Variants in GNAL observed in about 807,000 individuals in gnomAD.
GNAL encodes the protein G protein subunit alpha L, also known as guanine nucleotide-binding protein G(olf) subunit alpha.
A neutral mutation model predicts 55.1 loss-of-function variants in GNAL; 18 were observed. That is an observed-to-expected ratio of 0.33 (90% confidence interval 0.23 to 0.48). The LOEUF (loss-of-function observed/expected upper bound fraction) is 0.48. Ranked by LOEUF, GNAL falls within the 20% of genes least tolerant of loss-of-function variation. The probability of loss-of-function intolerance (pLI) is 0.99; values close to 1 mark genes in which losing one functional copy is unlikely to be tolerated. For missense variants in GNAL, 412 were observed against 614.1 expected (o/e 0.67, Z 3.48); for synonymous variants, 253 against 237.0 (o/e 1.07, Z -0.62).
At chr18:11,877,599 A>G (rs777371944) in intron 11 of GNAL, among the ~76,000 whole-genome samples, 7 of 148,920 alleles carry the variant, frequency 4.7e-5, no homozygotes, top group Non-Finnish European at 3.0e-5. Context: ...ACTCGCTTCA[A>G]ACTATTACAT....
chr18:11,793,524 G>A (rs1010319459), intron 4 of GNAL, among the ~76,000 whole-genome samples: 12 of 152,092 alleles, frequency 7.9e-5, no homozygotes, highest in African/African-American at 2.7e-4. Flanking sequence ...CAAGGCTGCA[G>A]TGAGCTATGA....
intron 5 of GNAL, among the ~76,000 whole-genome samples, chr18:11,856,017 A>G (rs1049870556): frequency 6.6e-6 from 1 of 151,254 alleles, no homozygotes; most frequent in African/African-American, 2.5e-5. Flanking sequence ...TGATAAGAGA[A>G]CCTTATTAAC....
In GNAL at chr18:11,862,434, C is replaced by T. The variant is rs766188483; in HGVS notation, c.762C>T (p.Tyr254=). 9 of 1,612,678 alleles carry T rather than the reference C, an allele frequency of 5.6e-6. No individual in the cohort carries two copies. The South Asian group carries it at 7.7e-5, about 14-fold the overall frequency. ...ERIDSVSLVD[Y]TPTDQDLLRC... ...TCGACAGCGTCAGCTTGGTTGACTACACACCCACAGACCAGGTATGTGGAA... is the reference window on the plus strand; with the variant it reads ...TCGACAGCGTCAGCTTGGTTGACTATACACCCACAGACCAGGTATGTGGAA... The change falls in exon 6 of 12, where the codon TAC becomes TAT. Residue 254 remains tyrosine, a synonymous_variant. Transcript: ENST00000334049.
intron 11 of GNAL, among the ~76,000 whole-genome samples, chr18:11,880,240 C>G (rs1310741808): frequency 3.1e-4 from 43 of 139,902 alleles, no homozygotes; most frequent in Non-Finnish European, 3.6e-4. Flanking sequence ...CTGGGGGACA[C>G]AGCGAGACTC....
At position 11,753,637 on chromosome 18, in the gene GNAL, A is replaced by T; in HGVS notation, c.459A>T (p.Lys153Asn). 1 of 1,590,030 alleles carries T rather than the reference A, an allele frequency of 6.3e-7. No homozygotes were observed. The highest frequency in any genetic ancestry group is 8.6e-7 in the Non-Finnish European group (1 of 1,158,190). Residue 153 changes from lysine to asparagine, a missense_variant, in exon 3 of 12, where the codon AAA (lysine) becomes AAT (asparagine). Around this residue, in one of 5 missense-constraint regions of GNAL, gnomAD observed 47 missense variants for 82.7 expected, o/e 0.57. Transcript: ENST00000334049. ...HVNGFNPEEKKQKILDIRKNV... is the reference protein window; with the variant it reads ...HVNGFNPEEKNQKILDIRKNV... ...CTCTCTTTCAATACAGGGAAAAGAA[A>T]CAGAAAATTCTGGACATCCGGAAAA...
chr18:11,793,742 G>A lies in GNAL; in HGVS notation c.625-31176G>A, dbSNP rs187392935. 2.8e-4 allele frequency among the ~76,000 whole-genome samples: 43 copies of A among 151,950 alleles called. No homozygotes were observed. In the South Asian group the frequency reaches 7.1e-3, roughly 25 times the overall value. ...AGATCGAGACCATCCTGGCCAACAT[G>A]GCGAAACTGTGCCTCTACTAAAAAT... On this transcript the variant is annotated intron_variant, in intron 4 of 11. Transcript: ENST00000334049.
chr18:11,731,837 G>A (rs574101715), intron 1 of GNAL, among the ~76,000 whole-genome samples: 4 of 152,288 alleles, frequency 2.6e-5, no homozygotes, highest in East Asian at 3.9e-4. Context: ...CCCACTAGCA[G>A]TCACTCCCCG....
intron 4 of GNAL, among the ~76,000 whole-genome samples, chr18:11,812,808 A>C (rs1462890000): frequency 2.6e-5 from 4 of 152,012 alleles, no homozygotes. Context: ...GCACCACTGC[A>C]CTCCAGCCTG....
chr18:11,877,037 C>G (rs2036547688), intron 11 of GNAL, among the ~76,000 whole-genome samples: 1 of 152,226 alleles, frequency 6.6e-6, no homozygotes, highest in African/African-American at 2.4e-5. Context: ...TCCAAAAGCA[C>G]TAACAGGCTG....
intron 4 of GNAL, among the ~76,000 whole-genome samples, chr18:11,755,776 G>C (rs927756538): frequency 3.9e-5 from 6 of 152,120 alleles, no homozygotes; most frequent in Non-Finnish European, 8.8e-5. Context: ...AGGGGTTGAC[G>C]TGGCAGGGGA....
chr18:11,794,374 G>A (rs543484460), intron 4 of GNAL, among the ~76,000 whole-genome samples: 1 of 152,178 alleles, frequency 6.6e-6, no homozygotes, highest in Non-Finnish European at 1.5e-5. Flanking sequence ...TCTTCTATCC[G>A]TGCAAGGGAA....
chr18:11,814,960 G>A (rs565873441), intron 4 of GNAL, among the ~76,000 whole-genome samples: 76 of 152,218 alleles, frequency 5.0e-4, no homozygotes, highest in African/African-American at 1.7e-3. Flanking sequence ...ACCAGAGGTT[G>A]GAGAGGGGAA....
intron 5 of GNAL, among the ~76,000 whole-genome samples, chr18:11,839,422 G>A (rs2035565096): frequency 6.6e-6 from 1 of 151,436 alleles, no homozygotes; most frequent in South Asian, 2.1e-4. Flanking sequence ...CCATGGTGGT[G>A]TGCACCTGTG....
chr18:11,745,699 A>G (rs373372590), intron 1 of GNAL: 15 of 163,258 alleles, frequency 9.2e-5, no homozygotes, highest in Admixed American at 3.7e-4. Context: ...GAGAATGCCA[A>G]TGGACACACC....
chr18:11,716,206 G>A lies in GNAL; in HGVS notation c.376+26267G>A, dbSNP rs11872296. 4.8e-3 allele frequency among the ~76,000 whole-genome samples: 738 copies of A among 152,298 alleles called. 3 individuals carry two copies. Among genetic ancestry groups the A allele is most frequent in the African/African-American group, 0.017 (687 of 41,550 alleles). On this transcript the variant is annotated intron_variant, in intron 1 of 11. Transcript: ENST00000334049. Reference sequence around the variant, plus strand: ...CTGTGTCCGGAATTGGTGGGTTCTTGGTCTCACTGACTTCAAGAATGAAGC... The same window carrying A: ...CTGTGTCCGGAATTGGTGGGTTCTTAGTCTCACTGACTTCAAGAATGAAGC...
At chr18:11,726,948 T>A (rs2032225343) in intron 1 of GNAL, among the ~76,000 whole-genome samples, 1 of 151,934 alleles carries the variant, frequency 6.6e-6, no homozygotes, top group Non-Finnish European at 1.5e-5. Flanking sequence ...TTTTTTTTTC[T>A]TAAGGTTAGA....
chr18:11,818,650 A>T (rs183035117), intron 4 of GNAL, among the ~76,000 whole-genome samples: 170 of 152,328 alleles, frequency 1.1e-3, no homozygotes, highest in African/African-American at 3.9e-3. Flanking sequence ...AGTTTTGTGG[A>T]ACCGCAGTGA....
chr18:11,751,803 G>A lies in GNAL; in HGVS notation c.377-1050G>A. The A allele has an allele frequency of 3.1e-6, 1 of 326,420 alleles. No individual in the cohort carries two copies. The highest frequency in any genetic ancestry group is 4.4e-6 in the Non-Finnish European group (1 of 227,294). 20.2% of individuals were successfully genotyped at this position (326,420 alleles called of 1,614,324 possible). The stretch of plus-strand genomic sequence containing the variant: ...CGAGAGCTCCGGGACCAGCGGCCCG[G>A]CCGCCCCCAAAGCCAGCCTCCCTCT... On this transcript the variant is annotated intron_variant, in intron 1 of 11. Coordinates refer to ENST00000334049, the MANE Select transcript of GNAL (RefSeq NM_182978.4). This position sits in a 1 kb window ranked among gnomAD's most constrained non-coding sequence, Gnocchi z 4.5.
intron 4 of GNAL, among the ~76,000 whole-genome samples, chr18:11,757,412 A>G (rs1399540272): frequency 6.6e-6 from 1 of 152,094 alleles, no homozygotes; most frequent in African/African-American, 2.4e-5. Flanking sequence ...TGGAGAACGG[A>G]TTGTGGGGAG....
Sources: gnomAD v4.1 joint callset for allele counts (sites outside exome capture counted in the v4.1 genomes callset) on GRCh38, gnomAD v4.1.1 for gene constraint, gnomAD v4.1.1 regional missense constraint, Gnocchi (gnomAD v3.1) non-coding constraint, MANE v1.5 for transcripts, NCBI Gene and HGNC (gene_info 2026-07-23, HGNC 2026-07-21) for gene names.